The following LRRTM4 variants were observed in gnomAD, a reference collection of about 807,000 sequenced individuals.
LRRTM4 encodes leucine-rich repeat transmembrane neuronal protein 4.
Under a neutral mutation model 47.6 loss-of-function variants are expected in LRRTM4, and 25 were observed. The observed-to-expected ratio is 0.53, with a 90% CI of 0.38 to 0.73. LRRTM4 has a LOEUF of 0.73. Ranked by LOEUF, LRRTM4 falls within the 30% of genes least tolerant of loss-of-function variation. The pLI, the probability that LRRTM4 is intolerant of heterozygous loss-of-function variation, is 0.00. For missense variants in LRRTM4, 638 were observed against 713.4 expected, an observed-to-expected ratio of 0.89 and a Z score of 1.20; for synonymous variants, 311 against 269.5, an observed-to-expected ratio of 1.15 and a Z score of -1.51.
intron 3 of LRRTM4, among the ~76,000 whole-genome samples, chr2:77,007,869 G>T (rs1424001319): frequency 6.6e-6 from 1 of 152,118 alleles, no homozygotes; most frequent in African/African-American, 2.4e-5. Flanking sequence ...TCCAACAAAA[G>T]ACATGGCAAA....
intron 3 of LRRTM4, among the ~76,000 whole-genome samples, chr2:77,345,495 G>T (rs1169130922): frequency 6.6e-6 from 1 of 151,854 alleles, no homozygotes; most frequent in East Asian, 1.9e-4. Flanking sequence ...CAAAATATTA[G>T]AAAAGACAAC....
chr2:76,795,969 G>C (rs566779310), intron 3 of LRRTM4, among the ~76,000 whole-genome samples: 2 of 148,176 alleles, frequency 1.3e-5, no homozygotes, highest in Non-Finnish European at 3.0e-5. Flanking sequence ...CACCATGTGC[G>C]AGCCGAAGCA....
At chr2:76,774,623 G>A (rs1673879765) in intron 3 of LRRTM4, among the ~76,000 whole-genome samples, 2 of 152,190 alleles carry the variant, frequency 1.3e-5, no homozygotes, top group Admixed American at 1.3e-4. Flanking sequence ...GGAGGAACAT[G>A]AGGAAGGGTT....
At chr2:77,381,256 T>G (rs925551389) in intron 3 of LRRTM4, among the ~76,000 whole-genome samples, 33 of 152,036 alleles carry the variant, frequency 2.2e-4, no homozygotes, top group Non-Finnish European at 2.1e-4. Context: ...GCACCAAAAA[T>G]ACATTTATAA....
intron 3 of LRRTM4, among the ~76,000 whole-genome samples, chr2:76,840,925 G>C (rs978278706): frequency 1.3e-5 from 2 of 151,710 alleles, no homozygotes; most frequent in Admixed American, 1.3e-4. Context: ...CCATTACTGG[G>C]TATATACCCA....
intron 3 of LRRTM4, among the ~76,000 whole-genome samples, chr2:77,259,538 A>G (rs979528317): frequency 5.9e-5 from 9 of 152,070 alleles, no homozygotes; most frequent in African/African-American, 2.2e-4. Flanking sequence ...GGGAAATCTA[A>G]AAAGGATACA....
chr2:77,174,181 A>G (rs1273202113), intron 3 of LRRTM4, among the ~76,000 whole-genome samples: 2 of 151,998 alleles, frequency 1.3e-5, no homozygotes, highest in Non-Finnish European at 2.9e-5. Context: ...CACAACTAGG[A>G]CACTGGTGGT....
rs545034122 is a variant in LRRTM4 at position 77,088,379 on chromosome 2, A to G, written c.1552-339463T>C. 8.2e-4 allele frequency among the ~76,000 whole-genome samples: 124 copies of G among 152,110 alleles called. 1 individual carries two copies. Among genetic ancestry groups the G allele is most frequent in the African/African-American group, 2.5e-3 (103 of 41,510 alleles). The stretch of plus-strand genomic sequence containing the variant: ...TTCCACCACAAAAGAAGTGTAAATG[A>G]CCGGTCCTTGCCTTAAGTGATGACA... On this transcript the variant is annotated intron_variant, in intron 3 of 3. Transcript: ENST00000409884.
chr2:77,151,166 T>C (rs1265960971), intron 3 of LRRTM4, among the ~76,000 whole-genome samples: 1 of 151,950 alleles, frequency 6.6e-6, no homozygotes, highest in Admixed American at 6.6e-5. Flanking sequence ...TGTGTGTATG[T>C]GTAGTAAGAA....
intron 3 of LRRTM4, among the ~76,000 whole-genome samples, chr2:77,051,158 A>G (rs1679419285): frequency 6.6e-6 from 1 of 151,910 alleles, no homozygotes; most frequent in South Asian, 2.1e-4. Context: ...ATTGTCATCT[A>G]GTGGGCAAAG....
chr2:76,759,477 G>A lies in LRRTM4; in HGVS notation c.1552-10561C>T, dbSNP rs969826736. Among the ~76,000 whole-genome samples the A allele has an allele frequency of 3.3e-5, 5 of 152,182 alleles. No individual in the cohort carries two copies. The South Asian group carries it at 1.0e-3, about 32-fold the overall frequency. ...AAAAGCCCACTGACCTTTTAGAGAC[G>A]ATCTTACAGGGACACTCTTAAGCCA... On this transcript the variant is annotated intron_variant, in intron 3 of 3. Coordinates refer to ENST00000409884, the MANE Select transcript of LRRTM4 (RefSeq NM_001134745.3).
At chr2:77,051,931 T>G (rs1250986721) in intron 3 of LRRTM4, among the ~76,000 whole-genome samples, 1 of 152,158 alleles carries the variant, frequency 6.6e-6, no homozygotes. Flanking sequence ...CATGTAATTG[T>G]TTCTTGGGTC....
chr2:76,790,588 T>C (rs1007032764), intron 3 of LRRTM4, among the ~76,000 whole-genome samples: 1 of 152,200 alleles, frequency 6.6e-6, no homozygotes, highest in Non-Finnish European at 1.5e-5. Context: ...ATAGTAGCAC[T>C]TGATAAGCAT....
At chr2:76,785,374 G>T (rs1674620215) in intron 3 of LRRTM4, among the ~76,000 whole-genome samples, 1 of 152,086 alleles carries the variant, frequency 6.6e-6, no homozygotes, top group African/African-American at 2.4e-5. Flanking sequence ...TTATAACAGT[G>T]TACTTTATAA....
rs183502753 is a variant in LRRTM4, at chr2:77,156,886, A to G, written c.1551+361432T>C. Among the ~76,000 whole-genome samples the G allele has an allele frequency of 2.6e-4, 39 of 151,498 alleles. 1 individual carries two copies. The East Asian group carries it at 7.4e-3, about 29-fold the overall frequency. On this transcript the variant is annotated intron_variant, in intron 3 of 3. Transcript: ENST00000409884. ...AGGGCCTGGCTCAACTTCTTACTAA[A>G]GCTTTTATTTTTTTTTTTCTCAAGG...
intron 3 of LRRTM4, among the ~76,000 whole-genome samples, chr2:76,942,674 ATCTGTGTG>A (rs908476570): frequency 4.7e-4 from 58 of 123,246 alleles, no homozygotes; most frequent in African/African-American, 1.8e-3. Context: ...ACCTCTAGGA[ATCTGTGTG>A]TGTGTGTGTG....
At chr2:76,975,749 G>A (rs980599787) in intron 3 of LRRTM4, among the ~76,000 whole-genome samples, 4 of 151,666 alleles carry the variant, frequency 2.6e-5, no homozygotes, top group African/African-American at 9.7e-5. Context: ...AGGCCTTGAA[G>A]CATCCTTCTG....
intron 3 of LRRTM4, among the ~76,000 whole-genome samples, chr2:77,126,570 G>C (rs1450058874): frequency 6.6e-6 from 1 of 152,158 alleles, no homozygotes; most frequent in East Asian, 1.9e-4. Context: ...AGAAAGACAG[G>C]TTCCCTTCAT....
At chr2:76,778,654 T>C (rs1283821628) in intron 3 of LRRTM4, among the ~76,000 whole-genome samples, 8 of 152,194 alleles carry the variant, frequency 5.3e-5, no homozygotes, top group East Asian at 3.9e-4. Context: ...TCTCTCTTTT[T>C]TTCTTTATTA....
Sources: gnomAD v4.1 joint callset for allele counts (sites outside exome capture counted in the v4.1 genomes callset) on GRCh38, gnomAD v4.1.1 for gene constraint, MANE v1.5 for transcripts, NCBI Gene and HGNC (gene_info 2026-07-23, HGNC 2026-07-21) for gene names.